Variants in TEP1 observed in about 807,000 individuals in gnomAD.
The protein encoded by TEP1 is telomerase protein component 1.
A neutral mutation model predicts 306.3 loss-of-function variants in TEP1; 241 were observed. The observed-to-expected ratio is 0.79, with a 90% CI of 0.71 to 0.88. The LOEUF (loss-of-function observed/expected upper bound fraction) is 0.88, where lower values mean the gene tolerates loss of function less well. Among genes scored for constraint, TEP1 ranks in the 40% least tolerant of loss-of-function variants. TEP1 has a pLI of 0.00. For missense variants in TEP1, 3,051 were observed against 3,276.1 expected (o/e 0.93, Z 1.68); for synonymous variants, 1,289 against 1,305.5 (o/e 0.99, Z 0.27).
At chr14:20,406,678 G>A (rs1034136251) in intron 2 of TEP1, among the ~76,000 whole-genome samples, 1 of 152,158 alleles carries the variant, frequency 6.6e-6, no homozygotes, top group African/African-American at 2.4e-5. Flanking sequence ...CTGGGAGCAT[G>A]GGGCTCTTCA....
Position 20,391,110 on chromosome 14 carries a change from TG to T in TEP1, c.2098-15del. 2 of 1,612,994 alleles carry T rather than the reference TG, an allele frequency of 1.2e-6. No individual in the cohort carries two copies. The highest frequency in any genetic ancestry group is 2.2e-5 in the South Asian group (2 of 91,044). ...GTTCAGCGGGGGCTGATTGGACAAG[TG>T]TCAGGGGAAATAAAGCTCCCCTGCT... On this transcript the variant is annotated splice_polypyrimidine_tract_variant and intron_variant, in intron 13 of 54. Coordinates refer to ENST00000262715, the MANE Select transcript of TEP1 (RefSeq NM_007110.5).
rs1884513882 is a variant in TEP1, at chr14:20,367,118, C to CT, written c.*1318dup. ...ATGGCTCACGCCTGTAATCCCAGAA[C>CT]TTTAAGAGGCTGAGGTGTGCAGATA... On this transcript the variant is annotated 3_prime_UTR_variant, in exon 55 of 55. Coordinates refer to ENST00000262715, the MANE Select transcript of TEP1 (RefSeq NM_007110.5). 6.6e-6 allele frequency: 1 copy of CT among 152,216 alleles called. No homozygotes were observed. Among genetic ancestry groups the CT allele is most frequent in the South Asian group, 2.1e-4 (1 of 4,832 alleles). 9.4% of individuals were successfully genotyped at this position (152,216 alleles called of 1,614,324 possible).
chr14:20,380,093 A>G, intron 34 of TEP1, 40 bp from the exon 35 acceptor site: 1 of 1,599,730 alleles, frequency 6.3e-7, no homozygotes, highest in Non-Finnish European at 8.5e-7. Context: ...AATAAACGAG[A>G]GAATGCAAAC....
At chr14:20,397,129 T>C (rs1878272697) in intron 9 of TEP1, among the ~76,000 whole-genome samples, 1 of 152,264 alleles carries the variant, frequency 6.6e-6, no homozygotes, top group African/African-American at 2.4e-5. Context: ...ACTTAATCTG[T>C]TGGCTCTAGC....
chr14:20,403,446 C>A lies in TEP1; in HGVS notation c.1197G>T (p.Gly399=), dbSNP rs538221458. 6.2e-7 allele frequency: 1 copy of A among 1,614,170 alleles called. No homozygotes were observed. Among genetic ancestry groups the A allele is most frequent in the Admixed American group, 1.7e-5 (1 of 60,026 alleles). ...RHPRRPPRSP[G]MEPPFSHRCF... is the part of the protein sequence containing the mutation. Reference sequence around the variant, plus strand: ...ATCTGTGAGAAAATGGAGGCTCCATCCCCTGTAGGGACAGGAGAAGCAATT... The same window carrying A: ...ATCTGTGAGAAAATGGAGGCTCCATACCCTGTAGGGACAGGAGAAGCAATT... The change falls in exon 7 of 55, where the codon GGG becomes GGT. Residue 399 remains glycine, a splice_region_variant and synonymous_variant. Transcript: ENST00000262715.
chr14:20,365,865 A>C lies in TEP1; in HGVS notation c.*2572T>G, dbSNP rs1884449017. ...AAAACAGATGTGGATATATGTGTAAAAATTTGGTATATAAAAAAGATGCTT... is the reference window on the plus strand; with the variant it reads ...AAAACAGATGTGGATATATGTGTAACAATTTGGTATATAAAAAAGATGCTT... On this transcript the variant is annotated 3_prime_UTR_variant, in exon 55 of 55. Coordinates refer to ENST00000262715, the MANE Select transcript of TEP1 (RefSeq NM_007110.5). 1 of 152,230 alleles carries C rather than the reference A, an allele frequency of 6.6e-6. No individual in the cohort carries two copies. The highest frequency in any genetic ancestry group is 2.4e-5 in the African/African-American group (1 of 41,454). 9.4% of individuals were successfully genotyped at this position (152,230 alleles called of 1,614,324 possible). A position where few individuals can be genotyped will look rare whatever the true frequency, so the allele number is the denominator to read the frequency against.
intron 2 of TEP1, among the ~76,000 whole-genome samples, chr14:20,407,381 C>T (rs1408506400): frequency 6.6e-6 from 1 of 152,174 alleles, no homozygotes; most frequent in Admixed American, 6.5e-5. Context: ...TTTTTTGAGA[C>T]ACAGTCTCTC....
chr14:20,377,215 TA>T (rs371616341), intron 41 of TEP1, 64 bp downstream of exon 41: 187,219 of 1,015,586 alleles, frequency 0.18, 2 homozygotes, highest in South Asian at 0.24. Flanking sequence ...AGCTCTGTCT[TA>T]AAAAAAAAAA....
chr14:20,370,194 G>A (rs1173937489), intron 51 of TEP1, among the ~76,000 whole-genome samples: 2 of 152,202 alleles, frequency 1.3e-5, no homozygotes, highest in South Asian at 2.1e-4. Context: ...GATTACAGGC[G>A]TGAGCCACTA....
chr14:20,368,397 T>G lies in TEP1; in HGVS notation c.*40A>C. ...TACCAGTGTCTTCAGGCTTTGCATC[T>G]CTAGCACAAGGGGTATCATTATTCC... is the stretch of plus-strand genomic sequence containing the variant. On this transcript the variant is annotated 3_prime_UTR_variant, in exon 55 of 55. Coordinates refer to ENST00000262715, the MANE Select transcript of TEP1 (RefSeq NM_007110.5). 1 of 1,601,418 alleles carries G rather than the reference T, an allele frequency of 6.2e-7. No homozygotes were observed. The highest frequency in any genetic ancestry group is 2.2e-5 in the East Asian group (1 of 44,532).
rs773396602 is a variant in TEP1, at chr14:20,380,036, G to T, written c.5021C>A (p.Ala1674Glu). Residue 1674 changes from alanine to glutamate, a missense_variant, in exon 35 of 55, where the codon GCA (alanine) becomes GAA (glutamate). Ala to Glu is a moderately radical substitution (Grantham distance 107). This residue lies in a region of TEP1 where 1,540 missense variants were observed against 1,705.9 expected (regional missense o/e 0.90). Coordinates refer to ENST00000262715, the MANE Select transcript of TEP1 (RefSeq NM_007110.5). ...KNQQSSSLSL[A>E]VSSSPTAVAF... ...CACAGCAGTAGGGGATGAGGAAACTGCCAGAGACAGGCTGGAGCTAGAGAA... is the reference window on the plus strand; with the variant it reads ...CACAGCAGTAGGGGATGAGGAAACTTCCAGAGACAGGCTGGAGCTAGAGAA... 6.2e-7 allele frequency: 1 copy of T among 1,613,074 alleles called. No homozygotes were observed. The highest frequency in any genetic ancestry group is 1.3e-5 in the African/African-American group (1 of 74,870).
chr14:20,368,401 G>C lies in TEP1; in HGVS notation c.*36C>G. ...AGTGTCTTCAGGCTTTGCATCTCTA[G>C]CACAAGGGGTATCATTATTCCCGAG... On this transcript the variant is annotated 3_prime_UTR_variant, in exon 55 of 55. Coordinates refer to ENST00000262715, the MANE Select transcript of TEP1 (RefSeq NM_007110.5). 1 of 1,606,872 alleles carries C rather than the reference G, an allele frequency of 6.2e-7. No individual in the cohort carries two copies. Among genetic ancestry groups the C allele is most frequent in the Non-Finnish European group, 8.5e-7 (1 of 1,173,844 alleles).
chr14:20,374,259 TTTA>T (rs1443675368), intron 44 of TEP1, among the ~76,000 whole-genome samples, 167 bp downstream of exon 44: 1 of 151,962 alleles, frequency 6.6e-6, no homozygotes, highest in Non-Finnish European at 1.5e-5. Flanking sequence ...CCAGCTAATT[TTTA>T]TTTTTATTTT....
intron 9 of TEP1, among the ~76,000 whole-genome samples, chr14:20,397,231 T>A (rs889936573): frequency 6.6e-6 from 1 of 152,180 alleles, no homozygotes; most frequent in Non-Finnish European, 1.5e-5. Context: ...AATTTCGTAG[T>A]GTAAGTTGAT....
Position 20,368,492 on chromosome 14 carries a change from A to T in TEP1, c.7829T>A (p.Leu2610Gln). The T allele has an allele frequency of 6.2e-7, 1 of 1,614,184 alleles. No homozygotes were observed. The highest frequency in any genetic ancestry group is 8.5e-7 in the Non-Finnish European group (1 of 1,180,034). Residue 2610 changes from leucine to glutamine, a missense_variant, in exon 55 of 55, where the codon CTG (leucine) becomes CAG (glutamine). Transcript: ENST00000262715. ...CTGCACGTCTCCCACGGCAAGCTGCAGGGTGGAGTTAGCGCCCAGCCAAGG... is the reference window on the plus strand; with the variant it reads ...CTGCACGTCTCCCACGGCAAGCTGCTGGGTGGAGTTAGCGCCCAGCCAAGG... ...LEPWLGANSTLQLAVGDVQGN... is the reference protein window; with the variant it reads ...LEPWLGANSTQQLAVGDVQGN...
At chr14:20,382,805 C>A in intron 27 of TEP1, 90 bp from the exon 28 acceptor site, 1 of 1,252,608 alleles carries the variant, frequency 8.0e-7, no homozygotes, top group Non-Finnish European at 1.2e-6. Flanking sequence ...CCAGGCAGCT[C>A]CTCCTCTGAG....
In TEP1 at chr14:20,378,374, T is replaced by G. The variant is rs1296910899; in HGVS notation, c.5508+6A>C. ...TTCCCCCAAGAGCAACACTGGACCT[T>G]CTTACCTTGGTGACTTTGAGCCCAT... On this transcript the variant is annotated splice_donor_region_variant and intron_variant, in intron 38 of 54. Coordinates refer to ENST00000262715, the MANE Select transcript of TEP1 (RefSeq NM_007110.5). 6.2e-7 allele frequency: 1 copy of G among 1,614,166 alleles called. No individual in the cohort carries two copies. The highest frequency in any genetic ancestry group is 1.7e-5 in the Admixed American group (1 of 60,022).
chr14:20,404,784 G>A lies in TEP1; in HGVS notation c.871-12C>T, dbSNP rs144863730. The A allele has an allele frequency of 3.2e-5, 51 of 1,592,324 alleles. No homozygotes were observed. Among genetic ancestry groups the A allele is most frequent in the East Asian group, 4.5e-5 (2 of 44,460 alleles). On this transcript the variant is annotated splice_polypyrimidine_tract_variant and intron_variant, in intron 4 of 54. Transcript: ENST00000262715. Reference sequence around the variant, plus strand: ...GCATACAAAGATGCCTAGGACACAGGGTGAGAGGACTAGAATCTCAGTCAC... The same window carrying A: ...GCATACAAAGATGCCTAGGACACAGAGTGAGAGGACTAGAATCTCAGTCAC...
chr14:20,390,324 G>A (rs1361463591), intron 15 of TEP1, among the ~76,000 whole-genome samples: 1 of 152,210 alleles, frequency 6.6e-6, no homozygotes, highest in East Asian at 1.9e-4. Flanking sequence ...ATCTACACGT[G>A]CTTATTTACA....
Sources: allele counts gnomAD v4.1 joint callset (sites outside exome capture counted in the v4.1 genomes callset), GRCh38; gene constraint gnomAD v4.1.1; regional missense constraint gnomAD v4.1.1; transcripts MANE v1.5; gene names NCBI Gene and HGNC (gene_info 2026-07-23, HGNC 2026-07-21).